PDE1C: variants seen among roughly 807,000 people sequenced by gnomAD.
The protein encoded by PDE1C is dual specificity calcium/calmodulin-dependent 3',5'-cyclic nucleotide phosphodiesterase 1C.
PDE1C carries 62 observed loss-of-function variants against 93.1 expected under a neutral mutation model. That is an observed-to-expected ratio of 0.67 (90% CI 0.54 to 0.82). The LOEUF is 0.82. Among genes scored for constraint, PDE1C ranks in the 40% least tolerant of loss-of-function variants. The pLI, the probability that PDE1C is intolerant of heterozygous loss-of-function variation, is 0.00. For synonymous variants in PDE1C, 325 were observed against 310.1 expected (o/e 1.05, Z -0.50); for missense variants, 742 against 884.6 (o/e 0.84, Z 2.04).
At chr7:32,006,406 T>C (rs1786259929) in intron 2 of PDE1C, among the ~76,000 whole-genome samples, 1 of 152,178 alleles carries the variant, frequency 6.6e-6, no homozygotes, top group Non-Finnish European at 1.5e-5. Flanking sequence ...GGGTAGAGGA[T>C]ATAAGATGTC....
chr7:32,322,527 C>T (rs895053921), intron 1 of PDE1C, among the ~76,000 whole-genome samples: 2 of 152,182 alleles, frequency 1.3e-5, no homozygotes, highest in African/African-American at 4.8e-5. Flanking sequence ...TCACTTGAGC[C>T]CAGGAGTTCA....
chr7:31,654,243 A>C, the PDE1C span, among the ~76,000 whole-genome samples: 1 of 152,160 alleles, frequency 6.6e-6, no homozygotes, highest in Non-Finnish European at 1.5e-5. Context: ...AGTGGAAGCC[A>C]AGTGCAATTT....
At chr7:31,643,845 A>G in the PDE1C span, 1 of 1,613,878 alleles carries the variant, frequency 6.2e-7, no homozygotes, top group African/African-American at 1.3e-5. Flanking sequence ...CTGGCCCTGA[A>G]CCCTCAGTCT....
At chr7:31,895,846 G>T (rs1054340823) in intron 2 of PDE1C, among the ~76,000 whole-genome samples, 2 of 152,038 alleles carry the variant, frequency 1.3e-5, no homozygotes, top group African/African-American at 4.8e-5. Context: ...ACATGTCTTT[G>T]CTCCTCTTTT....
At chr7:31,636,328 T>A in the PDE1C span, among the ~76,000 whole-genome samples, 63 of 152,224 alleles carry the variant, frequency 4.1e-4, no homozygotes, top group Non-Finnish European at 7.8e-4. Context: ...TGTGCTAGTG[T>A]TCTAACGTAT....
rs78858901 is a variant in PDE1C at position 31,761,398 on chromosome 7, G to C, written c.1961-7845C>G. Among the ~76,000 whole-genome samples the C allele has an allele frequency of 7.8e-3, 1,182 of 152,236 alleles. 16 individuals carry two copies. Among genetic ancestry groups the C allele is most frequent in the African/African-American group, 0.027 (1,116 of 41,542 alleles). On this transcript the variant is annotated intron_variant, in intron 17 of 17. Transcript: ENST00000396191. ...TAATCTTGCTTCCCTGTAAACAAAA[G>C]TAAGTCATCCCCTAACCCCACTTTA...
chr7:32,118,404 GA>G (rs1349951820), intron 3 of PDE1C, among the ~76,000 whole-genome samples: 1 of 152,142 alleles, frequency 6.6e-6, no homozygotes, highest in Non-Finnish European at 1.5e-5. Flanking sequence ...ATGAATATTA[GA>G]ATTCTTCCCC....
chr7:31,817,549 C>T (rs1158906531), intron 14 of PDE1C, among the ~76,000 whole-genome samples: 6 of 152,118 alleles, frequency 3.9e-5, no homozygotes, highest in Non-Finnish European at 8.8e-5. Context: ...GAGACTCATC[C>T]CATGCAGCGC....
chr7:31,919,387 T>G (rs1048780213), intron 2 of PDE1C, among the ~76,000 whole-genome samples: 3 of 152,138 alleles, frequency 2.0e-5, no homozygotes, highest in African/African-American at 7.2e-5. Flanking sequence ...GTGATAATAA[T>G]AAGAAAGCCT....
rs544224429 is a variant in PDE1C, at chr7:32,405,365, C to T, written c.310+22457G>A. Among the ~76,000 whole-genome samples, 3 of 151,624 alleles carry T rather than the reference C, an allele frequency of 2.0e-5. No individual in the cohort carries two copies. The East Asian group carries it at 5.8e-4, about 30-fold the overall frequency. ...CCGCCAGGTTCAAGCGATTCTCCTGCCTCAGCCTCCCAAGTAGCTGGGATT... is the reference window on the plus strand; with the variant it reads ...CCGCCAGGTTCAAGCGATTCTCCTGTCTCAGCCTCCCAAGTAGCTGGGATT... On this transcript the variant is annotated intron_variant, in intron 1 of 1. Coordinates refer to the PDE1C transcript ENST00000672256.
At chr7:32,093,649 T>G (rs192392627) in intron 3 of PDE1C, among the ~76,000 whole-genome samples, 48 of 152,366 alleles carry the variant, frequency 3.2e-4, no homozygotes, top group Non-Finnish European at 5.9e-5. Context: ...CTGTTATCTT[T>G]ACATGACTTT....
At chr7:32,330,022 G>A (rs1448105682) in intron 1 of PDE1C, among the ~76,000 whole-genome samples, 1 of 152,212 alleles carries the variant, frequency 6.6e-6, no homozygotes, top group African/African-American at 2.4e-5. Flanking sequence ...CTGAAATCAA[G>A]ATTGAATATA....
At chr7:31,967,335 T>C (rs972651459) in intron 2 of PDE1C, among the ~76,000 whole-genome samples, 3 of 152,208 alleles carry the variant, frequency 2.0e-5, no homozygotes, top group Non-Finnish European at 2.9e-5. Context: ...TAAACACCTC[T>C]ACACAAATAA....
At chr7:31,987,253 G>A (rs553759010) in intron 2 of PDE1C, among the ~76,000 whole-genome samples, 36 of 152,242 alleles carry the variant, frequency 2.4e-4, no homozygotes, top group South Asian at 1.0e-3. Context: ...ACCAGCTCTC[G>A]ACAAACAAAC....
intron 2 of PDE1C, among the ~76,000 whole-genome samples, chr7:32,204,709 T>G (rs576603749): frequency 1.3e-5 from 2 of 152,292 alleles, no homozygotes; most frequent in East Asian, 3.9e-4. Context: ...GAAGTTACCT[T>G]TTTTACCTAT....
intron 16 of PDE1C, among the ~76,000 whole-genome samples, chr7:31,803,981 C>A (rs1297100663): frequency 1.3e-5 from 2 of 151,912 alleles, no homozygotes; most frequent in African/African-American, 2.4e-5. Context: ...ACACTGACTT[C>A]CACAATGGTT....
At chr7:31,662,506 G>GGAACTCATA in the PDE1C span, among the ~76,000 whole-genome samples, 6 of 152,222 alleles carry the variant, frequency 3.9e-5, no homozygotes, top group Non-Finnish European at 7.4e-5. Context: ...GGGCCAGTTA[G>GGAACTCATA]GAACTCATAG....
chr7:31,805,505 C>T (rs1786712544), intron 16 of PDE1C, among the ~76,000 whole-genome samples: 1 of 151,316 alleles, frequency 6.6e-6, no homozygotes, highest in South Asian at 2.1e-4. Context: ...TAACTAAAGC[C>T]ATCTTGGTCT....
At chr7:31,771,744 C>G (rs937077783) in intron 17 of PDE1C, among the ~76,000 whole-genome samples, 1 of 151,998 alleles carries the variant, frequency 6.6e-6, no homozygotes, top group Non-Finnish European at 1.5e-5. Flanking sequence ...TTAATGAAGT[C>G]CAATTTATCT....
Sources: allele counts gnomAD v4.1 joint callset (sites outside exome capture counted in the v4.1 genomes callset), GRCh38; gene constraint gnomAD v4.1.1; transcripts MANE v1.5; gene names NCBI Gene and HGNC (gene_info 2026-07-23, HGNC 2026-07-21).